Variants in CORO7 observed in about 807,000 individuals in gnomAD.
CORO7 encodes the protein coronin-7.
A neutral mutation model predicts 126.6 loss-of-function variants in CORO7; 107 were observed. That is an observed-to-expected ratio of 0.85 (90% CI 0.72 to 0.99). CORO7 has a LOEUF of 0.99. Ranked by LOEUF, CORO7 falls within the 50% of genes least tolerant of loss-of-function variation. CORO7 has a pLI of 0.00. For missense variants in CORO7, 1,314 were observed against 1,255.8 expected (o/e 1.05, Z -0.70); for synonymous variants, 603 against 536.8 (o/e 1.12, Z -1.70).
intron 7 of CORO7, among the ~76,000 whole-genome samples, chr16:4,394,994 G>C (rs770093661): frequency 6.6e-6 from 1 of 152,222 alleles, no homozygotes; most frequent in Non-Finnish European, 1.5e-5. Flanking sequence ...AGGTCTCAAA[G>C]GAAGGAAGTG....
intron 6 of CORO7, among the ~76,000 whole-genome samples, chr16:4,403,397 T>C (rs2141306789): frequency 6.6e-6 from 1 of 152,232 alleles, no homozygotes; most frequent in Admixed American, 6.5e-5. Flanking sequence ...GGCCCTAGAC[T>C]GTGCTGACAG....
chr16:4,415,798 C>T lies in CORO7; in HGVS notation c.60+661G>A, dbSNP rs556120749. On this transcript the variant is annotated intron_variant, in intron 1 of 27. Coordinates refer to ENST00000251166, the MANE Select transcript of CORO7 (RefSeq NM_024535.5). ...CAGTCCTCCTGCCGTTTCGGGGGTC[C>T]GAAGGGTCTCCCGGCACCTGGCTCA... The T allele has an allele frequency of 2.0e-4, 194 of 985,582 alleles. No individual in the cohort carries two copies. In the African/African-American group the frequency reaches 3.2e-3, roughly 16 times the overall value. 61.1% of individuals were successfully genotyped at this position (985,582 alleles called of 1,614,324 possible).
At chr16:4,389,212 G>A (rs531647493) in intron 7 of CORO7, among the ~76,000 whole-genome samples, 11 of 152,150 alleles carry the variant, frequency 7.2e-5, no homozygotes, top group Non-Finnish European at 1.2e-4. Flanking sequence ...TCCAGAGAGC[G>A]CCAAGTAGTG....
At chr16:4,387,666 AT>A in intron 9 of CORO7, 1 of 373,960 alleles carries the variant, frequency 2.7e-6, no homozygotes, top group Non-Finnish European at 5.0e-6. Context: ...AATGAAGCGT[AT>A]TCTTGCACTT....
At chr16:4,387,819 C>G in intron 9 of CORO7, 167 bp downstream of exon 9, 2 of 806,918 alleles carry the variant, frequency 2.5e-6, no homozygotes, top group Non-Finnish European at 3.9e-6. Context: ...CTGGAAGCTC[C>G]GGGGGTACAG....
chr16:4,387,590 C>T (rs2055238741), intron 9 of CORO7, among the ~76,000 whole-genome samples: 1 of 149,844 alleles, frequency 6.7e-6, no homozygotes, highest in South Asian at 2.1e-4. Context: ...ACAATGCCCA[C>T]GTCCACCCTC....
intron 6 of CORO7, among the ~76,000 whole-genome samples, chr16:4,402,738 G>C (rs1293217164): frequency 1.3e-5 from 2 of 152,220 alleles, no homozygotes; most frequent in African/African-American, 4.8e-5. Flanking sequence ...CAGCGGAGAG[G>C]AACTGGGCTG....
Position 4,360,544 on chromosome 16 carries a change from A to G in CORO7, c.1922T>C (p.Phe641Ser). 3 of 1,602,142 alleles carry G rather than the reference A, an allele frequency of 1.9e-6. No individual in the cohort carries two copies. The highest frequency in any genetic ancestry group is 2.6e-6 in the Non-Finnish European group (3 of 1,174,880). Residue 641 changes from phenylalanine (F) to serine (S), a missense_variant, in exon 20 of 28, where the codon TTC becomes TCC. Transcript: ENST00000251166. ...CCCATCAGGACTCCAGGCCAGGCTGAAGATCTGGGGGCAGGAAGGGATATG... is the reference window on the plus strand; with the variant it reads ...CCCATCAGGACTCCAGGCCAGGCTGGAGATCTGGGGGCAGGAAGGGATATG... ...LKLQGHQDQI[F>S]SLAWSPDGQQ... is the part of the protein sequence containing the mutation.
intron 6 of CORO7, chr16:4,397,530 G>A (rs1051596453): frequency 7.9e-5 from 12 of 152,156 alleles, no homozygotes; most frequent in African/African-American, 2.9e-4. Context: ...GGAGGCCAAA[G>A]TGGAAGAATC....
chr16:4,374,086 C>CGTGTGTGTGTGTGTGTGTGTGT lies in CORO7; in HGVS notation c.786-8542_786-8541insACACACACACACACACACACAC, dbSNP rs112578905. Among the ~76,000 whole-genome samples the CGTGTGTGTGTGTGTGTGTGTGT allele has an allele frequency of 3.4e-3, 513 of 148,768 alleles. 2 individuals are homozygous for CGTGTGTGTGTGTGTGTGTGTGT. Among genetic ancestry groups the CGTGTGTGTGTGTGTGTGTGTGT allele is most frequent in the African/African-American group, 0.012 (479 of 40,564 alleles). On this transcript the variant is annotated intron_variant, in intron 9 of 27. Transcript: ENST00000251166. The stretch of plus-strand genomic sequence containing the variant: ...GTTCTTGGAGAAGGGGGAGGGTGCA[C>CGTGTGTGTGTGTGTGTGTGTGT]GTGTGTGTGTGTGTGTGTGTCTGCA...
intron 9 of CORO7, among the ~76,000 whole-genome samples, chr16:4,368,747 C>CAAAA (rs1283259505): frequency 1.3e-3 from 74 of 56,660 alleles, no homozygotes; most frequent in Admixed American, 3.4e-3. Context: ...GACTCCATCT[C>CAAAA]AAAAAAAAAA....
intron 9 of CORO7, among the ~76,000 whole-genome samples, chr16:4,377,134 A>G (rs947755075): frequency 3.6e-4 from 55 of 151,922 alleles, no homozygotes; most frequent in African/African-American, 1.3e-3. Flanking sequence ...CCAGGGAGGG[A>G]GCAAGGCCGG....
chr16:4,384,772 C>T (rs903063800), intron 9 of CORO7, among the ~76,000 whole-genome samples: 3 of 152,128 alleles, frequency 2.0e-5, no homozygotes, highest in African/African-American at 7.2e-5. Flanking sequence ...CCTGAGGCAG[C>T]GGCGGCAGCC....
rs2054002162 is a variant in CORO7, at chr16:4,357,200, C to T, written c.2653G>A (p.Glu885Lys). ...TTCTTTTGCTGGTCAGACTTTTCTT[C>T]CAGGTACTGCGCTGAGGATGGGGCC... The part of the protein sequence containing the change: ...RRAPSSAQYL[E>K]EKSDQQKKEE... Residue 885 changes from glutamate to lysine, a missense_variant, in exon 26 of 28, where the codon GAA becomes AAA. By Grantham distance (56) the Glu-to-Lys change is moderately conservative. Transcript: ENST00000251166. 7 of 1,613,970 alleles carry T rather than the reference C, an allele frequency of 4.3e-6. No homozygotes were observed. The highest frequency in any genetic ancestry group is 2.2e-5 in the East Asian group (1 of 44,884).
At chr16:4,367,765 G>C (rs1020824296) in intron 9 of CORO7, among the ~76,000 whole-genome samples, 18 of 152,310 alleles carry the variant, frequency 1.2e-4, no homozygotes, top group African/African-American at 3.4e-4. Context: ...GTGCCTGACA[G>C]CCTGGACAGT....
At position 4,381,982 on chromosome 16, in the gene CORO7, A is replaced by C. The variant is rs1431518992; in HGVS notation, c.785+6004T>G. ...CACGAGGCCCGTGGTGCGGGAGCCC[A>C]CAGCCTTGTCTTCTAGCTTGGCTCC... On this transcript the variant is annotated intron_variant, in intron 9 of 27. Transcript: ENST00000251166. 1.2e-6 allele frequency: 2 copies of C among 1,607,828 alleles called. No individual in the cohort carries two copies. Among genetic ancestry groups the C allele is most frequent in the African/African-American group, 2.7e-5 (2 of 74,844 alleles).
At chr16:4,366,623 C>G (rs903160217) in intron 9 of CORO7, among the ~76,000 whole-genome samples, 2 of 151,088 alleles carry the variant, frequency 1.3e-5, no homozygotes, top group African/African-American at 2.4e-5. Context: ...CTCACTGCAG[C>G]CTCAACCTCC....
At chr16:4,379,974 C>T (rs2054894408) in intron 9 of CORO7, among the ~76,000 whole-genome samples, 1 of 150,376 alleles carries the variant, frequency 6.6e-6, no homozygotes, top group Non-Finnish European at 1.5e-5. Context: ...AGGAGAATTG[C>T]TTGAACCTGG....
chr16:4,404,079 C>T (rs2055908463), intron 6 of CORO7, among the ~76,000 whole-genome samples: 2 of 152,196 alleles, frequency 1.3e-5, no homozygotes, highest in Non-Finnish European at 2.9e-5. Context: ...AAAAACTGAT[C>T]AAGACTGGGA....
Sources: gnomAD v4.1 joint callset for allele counts (sites outside exome capture counted in the v4.1 genomes callset) on GRCh38, gnomAD v4.1.1 for gene constraint, MANE v1.5 for transcripts, NCBI Gene and HGNC (gene_info 2026-07-23, HGNC 2026-07-21) for gene names.